MYO9A: variants seen among roughly 807,000 people sequenced by gnomAD.
MYO9A encodes myosin IXA, also known as unconventional myosin-IXa.
MYO9A carries 103 observed loss-of-function variants against 293.3 expected under a neutral mutation model. That is an observed-to-expected ratio of 0.35 (90% CI 0.30 to 0.41). The LOEUF is 0.41. Ranked by LOEUF, MYO9A falls within the 10% of genes least tolerant of loss-of-function variation. The probability of loss-of-function intolerance (pLI) is 1.00; values close to 1 mark genes in which losing one functional copy is unlikely to be tolerated. For missense variants in MYO9A, 2,685 were observed against 3,033.0 expected (o/e 0.89, Z 2.69); for synonymous variants, 1,001 against 1,035.7 (o/e 0.97, Z 0.64).
At chr15:71,998,717 A>ATCCC (rs2076778159) in intron 9 of MYO9A, among the ~76,000 whole-genome samples, 1 of 151,684 alleles carries the variant, frequency 6.6e-6, no homozygotes, top group South Asian at 2.1e-4. Context: ...TCCTAATGCT[A>ATCCC]TCCCTCCCCG....
At chr15:71,872,312 T>C (rs1273352880) in intron 32 of MYO9A, among the ~76,000 whole-genome samples, 1 of 152,196 alleles carries the variant, frequency 6.6e-6, no homozygotes, top group Non-Finnish European at 1.5e-5. Context: ...TGCTCTATGG[T>C]ATCTCAAATA....
At chr15:71,915,744 T>G (rs1439416570) in intron 19 of MYO9A, among the ~76,000 whole-genome samples, 1 of 152,172 alleles carries the variant, frequency 6.6e-6, no homozygotes, top group African/African-American at 2.4e-5. Context: ...GGTAAAATTA[T>G]GCAAAGCATT....
In MYO9A at chr15:72,007,823, CACCTCTAATA is replaced by C. The variant is rs761546844; in HGVS notation, c.1373_1380+2del. The stretch of plus-strand genomic sequence containing the variant: ...AATGACAACTGAAAATGTAATCACT[CACCTCTAATA>C]ATTCTGAGACAATAGGCAGAACTTC... On this transcript the variant is annotated splice_donor_variant and coding_sequence_variant, in exon 8 of 42. Transcript: ENST00000356056. LOFTEE classifies it high-confidence loss of function. 6.2e-7 allele frequency: 1 copy of C among 1,601,350 alleles called. No homozygotes were observed. Among genetic ancestry groups the C allele is most frequent in the Non-Finnish European group, 8.5e-7 (1 of 1,176,452 alleles).
intron 1 of MYO9A, among the ~76,000 whole-genome samples, chr15:72,105,947 G>A (rs1386076134): frequency 1.3e-5 from 2 of 151,876 alleles, no homozygotes; most frequent in African/African-American, 4.8e-5. Context: ...TTGTGTCTCC[G>A]TAAAAAAGAA....
intron 1 of MYO9A, among the ~76,000 whole-genome samples, chr15:72,088,042 A>G (rs1356644920): frequency 1.3e-5 from 2 of 152,204 alleles, no homozygotes; most frequent in Non-Finnish European, 2.9e-5. Flanking sequence ...CTACAAAAAA[A>G]GGTCATGGAA....
chr15:72,031,552 G>A (rs1279163863), intron 3 of MYO9A, among the ~76,000 whole-genome samples: 1 of 152,064 alleles, frequency 6.6e-6, no homozygotes, highest in Admixed American at 6.6e-5. Context: ...ATGTGCATGT[G>A]GTCTCTGTCT....
intron 3 of MYO9A, among the ~76,000 whole-genome samples, chr15:72,032,075 T>G (rs2077889642): frequency 6.6e-6 from 1 of 152,022 alleles, no homozygotes; most frequent in South Asian, 2.1e-4. Context: ...CCCGGCTGAT[T>G]TTTGTTATTT....
At chr15:72,011,194 T>C (rs2077163097) in intron 6 of MYO9A, among the ~76,000 whole-genome samples, 2 of 151,870 alleles carry the variant, frequency 1.3e-5, no homozygotes, top group Admixed American at 1.3e-4. Context: ...GTATTTTTAA[T>C]AGAGACATGG....
At chr15:72,056,325 A>G (rs2078717225) in intron 1 of MYO9A, among the ~76,000 whole-genome samples, 1 of 152,224 alleles carries the variant, frequency 6.6e-6, no homozygotes, top group Non-Finnish European at 1.5e-5. Context: ...AACTGCAAAA[A>G]TATAGAACCA....
At chr15:72,103,527 T>C (rs2080461136) in intron 1 of MYO9A, among the ~76,000 whole-genome samples, 3 of 139,038 alleles carry the variant, frequency 2.2e-5, no homozygotes, top group Non-Finnish European at 4.6e-5. Flanking sequence ...GCAGAAGCAG[T>C]GGAAGCAGAA....
At chr15:71,861,467 T>C (rs2056119591) in intron 33 of MYO9A, among the ~76,000 whole-genome samples, 1 of 147,800 alleles carries the variant, frequency 6.8e-6, no homozygotes, top group Non-Finnish European at 1.5e-5. Flanking sequence ...TGTAAAATAA[T>C]ATATATATTA....
chr15:72,096,290 A>G (rs1354887304), intron 1 of MYO9A, among the ~76,000 whole-genome samples: 1 of 152,120 alleles, frequency 6.6e-6, no homozygotes. Flanking sequence ...GTTAGTTGAG[A>G]TCACACCACC....
chr15:71,911,393 T>C (rs2144486835), intron 19 of MYO9A, among the ~76,000 whole-genome samples: 1 of 152,308 alleles, frequency 6.6e-6, no homozygotes, highest in East Asian at 1.9e-4. Flanking sequence ...GCTTAATGTA[T>C]CCTACATCTT....
At chr15:71,916,682 A>C (rs539425199) in intron 18 of MYO9A, among the ~76,000 whole-genome samples, 190 bp from the exon 19 acceptor site, 25 of 152,350 alleles carry the variant, frequency 1.6e-4, no homozygotes, top group African/African-American at 5.8e-4. Context: ...GAAAGCTAAA[A>C]AGAAAAGTAC....
chr15:72,054,058 T>C (rs939206356), intron 1 of MYO9A, among the ~76,000 whole-genome samples: 1 of 152,200 alleles, frequency 6.6e-6, no homozygotes, highest in Non-Finnish European at 1.5e-5. Flanking sequence ...CACACATCTA[T>C]AACATAAGGA....
At position 71,824,668 on chromosome 15, in the gene MYO9A, C is replaced by T. The variant is rs1278338506; in HGVS notation, c.*1912G>A. ...TTTAAAAGCTTAACATTATTTATTACTCCTCAGGACAAGATGAACAAGGTG... is the reference window on the plus strand; with the variant it reads ...TTTAAAAGCTTAACATTATTTATTATTCCTCAGGACAAGATGAACAAGGTG... On this transcript the variant is annotated 3_prime_UTR_variant, in exon 42 of 42. Transcript: ENST00000356056. 1 of 152,210 alleles carries T rather than the reference C, an allele frequency of 6.6e-6. No individual in the cohort carries two copies. Among genetic ancestry groups the T allele is most frequent in the Non-Finnish European group, 1.5e-5 (1 of 68,036 alleles). 9.4% of individuals were successfully genotyped at this position (152,210 alleles called of 1,614,324 possible).
In MYO9A at chr15:71,935,341, G is replaced by A. The variant is rs766396581; in HGVS notation, c.2522C>T (p.Thr841Met). The A allele has an allele frequency of 8.1e-6, 13 of 1,612,718 alleles. No individual in the cohort carries two copies. Among genetic ancestry groups the A allele is most frequent in the Middle Eastern group, 1.6e-4 (1 of 6,070 alleles). Residue 841 changes from threonine to methionine, a missense_variant and splice_region_variant, in exon 17 of 42, where the codon ACG (threonine) becomes ATG (methionine). Coordinates refer to ENST00000356056, the MANE Select transcript of MYO9A (RefSeq NM_006901.4). ...ATTTACATTACTGATTAGTACTGAC[G>A]TGAGAATTCCATGGGCTCTCTCCAG... is the stretch of plus-strand genomic sequence containing the variant. ...KLLERAHGIL[T>M]RNKNFKSKPA...
chr15:71,980,542 TAA>T (rs1319152715), intron 11 of MYO9A, among the ~76,000 whole-genome samples: 5 of 152,158 alleles, frequency 3.3e-5, no homozygotes, highest in Non-Finnish European at 7.4e-5. Context: ...GTATTCATGA[TAA>T]AAACTCTTGG....
rs757220384 is a variant in MYO9A, at chr15:72,041,877, TA to T, written c.840+3846del. ...AAAGACACAAACTACCAAAGCTTAC[TA>T]AAAAAAAAAAAACAGTAATAATAAT... On this transcript the variant is annotated intron_variant, in intron 2 of 41. Transcript: ENST00000356056. 5.9e-3 allele frequency among the ~76,000 whole-genome samples: 811 copies of T among 136,370 alleles called. 4 individuals carry two copies. Among genetic ancestry groups the T allele is most frequent in the African/African-American group, 7.3e-3 (274 of 37,522 alleles). The allele number at this position is 136,370 out of a possible 152,430, so 89.5% of individuals were successfully genotyped here.
Sources: allele counts gnomAD v4.1 joint callset (sites outside exome capture counted in the v4.1 genomes callset), GRCh38; gene constraint gnomAD v4.1.1; transcripts MANE v1.5; gene names NCBI Gene and HGNC (gene_info 2026-07-23, HGNC 2026-07-21).